Variants in LINGO2 observed in about 807,000 individuals in gnomAD.
The protein encoded by LINGO2 is leucine-rich repeat and immunoglobulin-like domain-containing nogo receptor-interacting protein 2.
A neutral mutation model predicts 30.6 loss-of-function variants in LINGO2; 14 were observed. The ratio of observed to expected loss-of-function variants is 0.46; its 90% confidence interval spans 0.30 to 0.72. The LOEUF is 0.72. Ranked by LOEUF, LINGO2 falls within the 30% of genes least tolerant of loss-of-function variation. LINGO2 has a pLI of 0.07. For missense variants in LINGO2, 729 were observed against 751.7 expected, an observed-to-expected ratio of 0.97 and a Z score of 0.35; for synonymous variants, 317 against 288.5, an observed-to-expected ratio of 1.10 and a Z score of -1.00.
chr9:28,453,348 T>C (rs1824722561), intron 2 of LINGO2, among the ~76,000 whole-genome samples: 1 of 151,928 alleles, frequency 6.6e-6, no homozygotes, highest in Admixed American at 6.6e-5. Flanking sequence ...TTAATTTTTT[T>C]GGATGTGTGA....
chr9:28,173,987 A>T (rs186843472), intron 4 of LINGO2, among the ~76,000 whole-genome samples: 1 of 152,228 alleles, frequency 6.6e-6, no homozygotes, highest in East Asian at 1.9e-4. Flanking sequence ...CCAAACTGAA[A>T]AAAATCTATG....
the LINGO2 span, among the ~76,000 whole-genome samples, chr9:28,723,524 TA>T: frequency 6.6e-5 from 10 of 152,208 alleles, no homozygotes; most frequent in East Asian, 1.9e-3. Flanking sequence ...CTTCTCTTGG[TA>T]AATGACATGC....
chr9:28,764,684 C>T, the LINGO2 span, among the ~76,000 whole-genome samples: 3 of 151,708 alleles, frequency 2.0e-5, no homozygotes, highest in Non-Finnish European at 4.4e-5. Context: ...TAAAATATAT[C>T]TGAATTATAA....
chr9:29,210,097 A>C, the LINGO2 span, among the ~76,000 whole-genome samples: 1 of 152,174 alleles, frequency 6.6e-6, no homozygotes, highest in Non-Finnish European at 1.5e-5. Context: ...ACAACTTCCT[A>C]TCACTTCTTA....
chr9:28,574,138 A>G (rs989766563), intron 1 of LINGO2, among the ~76,000 whole-genome samples: 2 of 152,182 alleles, frequency 1.3e-5, no homozygotes, highest in African/African-American at 4.8e-5. Context: ...AGCCTAATCT[A>G]TGAGTATGAA....
chr9:28,867,640 AT>A, the LINGO2 span, among the ~76,000 whole-genome samples: 1 of 152,162 alleles, frequency 6.6e-6, no homozygotes, highest in Non-Finnish European at 1.5e-5. Context: ...GTATTACTTC[AT>A]TTATTTCTGA....
chr9:28,760,693 A>G, the LINGO2 span, among the ~76,000 whole-genome samples: 1 of 151,336 alleles, frequency 6.6e-6, no homozygotes, highest in Non-Finnish European at 1.5e-5. Context: ...CCATTGTATC[A>G]TTCTTATGCC....
chr9:28,294,115 T>C (rs1823839248), intron 4 of LINGO2, among the ~76,000 whole-genome samples: 1 of 152,232 alleles, frequency 6.6e-6, no homozygotes, highest in Non-Finnish European at 1.5e-5. Flanking sequence ...TGATATCATC[T>C]TATATGCAAA....
intron 1 of LINGO2, among the ~76,000 whole-genome samples, chr9:28,572,484 G>T (rs1270508799): frequency 6.6e-6 from 1 of 152,006 alleles, no homozygotes; most frequent in East Asian, 1.9e-4. Flanking sequence ...TTGAAATCCA[G>T]TACAAACTGA....
intron 1 of LINGO2, among the ~76,000 whole-genome samples, chr9:28,630,306 A>G (rs1449443037): frequency 6.6e-6 from 1 of 152,098 alleles, no homozygotes; most frequent in Non-Finnish European, 1.5e-5. Flanking sequence ...GGATTATAGC[A>G]TACGTTGTAT....
At chr9:27,980,099 G>T (rs1820785401) in intron 5 of LINGO2, among the ~76,000 whole-genome samples, 1 of 151,850 alleles carries the variant, frequency 6.6e-6, no homozygotes, top group African/African-American at 2.4e-5. Context: ...TCACTTCGAG[G>T]CAAGAATTTT....
intron 1 of LINGO2, among the ~76,000 whole-genome samples, chr9:28,636,294 A>C (rs1016757395): frequency 6.6e-6 from 1 of 152,112 alleles, no homozygotes; most frequent in South Asian, 2.1e-4. Flanking sequence ...ACGTGTGCAT[A>C]TGTCTTTATA....
intron 1 of LINGO2, among the ~76,000 whole-genome samples, chr9:28,583,880 A>G (rs1305075783): frequency 3.9e-5 from 6 of 152,096 alleles, no homozygotes; most frequent in Non-Finnish European, 1.5e-5. Context: ...TTATTAGGTC[A>G]TGAAGGTTCT....
intron 4 of LINGO2, among the ~76,000 whole-genome samples, chr9:28,293,131 C>T (rs1823796068): frequency 6.6e-6 from 1 of 150,728 alleles, no homozygotes; most frequent in Non-Finnish European, 1.5e-5. Context: ...AGGATCTCAC[C>T]CTGTCACCCA....
At chr9:28,387,898 C>T (rs926107418) in intron 2 of LINGO2, among the ~76,000 whole-genome samples, 2 of 152,026 alleles carry the variant, frequency 1.3e-5, no homozygotes, top group South Asian at 2.1e-4. Context: ...GAACAAACTC[C>T]GGACACACCA....
the LINGO2 span, among the ~76,000 whole-genome samples, chr9:28,934,435 T>C: frequency 6.6e-6 from 1 of 152,172 alleles, no homozygotes; most frequent in African/African-American, 2.4e-5. Context: ...TTGACTATGA[T>C]TGACAAGTAC....
chr9:29,047,049 A>AC, the LINGO2 span, among the ~76,000 whole-genome samples: 1 of 8,106 alleles, frequency 1.2e-4, no homozygotes, highest in African/African-American at 2.7e-4. Context: ...TCAAAAAAAA[A>AC]AACCAAAAAC....
At chr9:28,618,976 C>G (rs1014281175) in intron 1 of LINGO2, among the ~76,000 whole-genome samples, 11 of 152,152 alleles carry the variant, frequency 7.2e-5, no homozygotes, top group Non-Finnish European at 1.5e-4. Context: ...GTGTTTAGCA[C>G]AGTACCTGGG....
chr9:28,101,170 A>G (rs974148664), intron 4 of LINGO2, among the ~76,000 whole-genome samples: 8 of 152,142 alleles, frequency 5.3e-5, no homozygotes, highest in Admixed American at 3.9e-4. Flanking sequence ...ACAATAAAAT[A>G]ACATTTGTTT....
Sources: allele counts gnomAD v4.1 joint callset (sites outside exome capture counted in the v4.1 genomes callset), GRCh38; gene constraint gnomAD v4.1.1; transcripts MANE v1.5; gene names NCBI Gene and HGNC (gene_info 2026-07-23, HGNC 2026-07-21).